INTS8: variants seen among roughly 807,000 people sequenced by gnomAD.
INTS8 encodes protein kaonashi-1.
Under a neutral mutation model 138.9 loss-of-function variants are expected in INTS8, and 47 were observed. The ratio of observed to expected loss-of-function variants is 0.34; its 90% CI spans 0.27 to 0.43. The LOEUF is 0.43. Among genes scored for constraint, INTS8 ranks in the 20% least tolerant of loss-of-function variants. The pLI is 1.00. For synonymous variants in INTS8, 392 were observed against 400.9 expected (o/e 0.98, Z 0.27); for missense variants, 996 against 1,173.0 (o/e 0.85, Z 2.20).
At chr8:94,840,874 T>C (rs898574796) in intron 8 of INTS8, among the ~76,000 whole-genome samples, 1 of 151,480 alleles carries the variant, frequency 6.6e-6, no homozygotes, top group Non-Finnish European at 1.5e-5. Flanking sequence ...TAGTATTTTT[T>C]TAGTTTGTTT....
intron 6 of INTS8, among the ~76,000 whole-genome samples, chr8:94,833,744 T>G (rs574210049): frequency 6.6e-6 from 1 of 152,322 alleles, no homozygotes; most frequent in South Asian, 2.1e-4. Flanking sequence ...AAGGGCAAAT[T>G]AGTGGTAACA....
chr8:94,873,242 A>C, intron 21 of INTS8, 132 bp from the exon 22 acceptor site: 1 of 754,788 alleles, frequency 1.3e-6, no homozygotes, highest in Non-Finnish European at 2.4e-6. Context: ...AATACGAACT[A>C]ACATTTTATT....
At position 94,878,132 on chromosome 8, in the gene INTS8, CGT is replaced by C. The variant is rs573095884; in HGVS notation, c.2871+1646_2871+1647del. On this transcript the variant is annotated intron_variant, in intron 26 of 26. Coordinates refer to ENST00000523731, the MANE Select transcript of INTS8 (RefSeq NM_017864.4). ...AGCCCTGCATAAGTCCAGAAACTTACGTGTTTTATTTTCTTGGGCCACTGAGA... is the reference window on the plus strand; with the variant it reads ...AGCCCTGCATAAGTCCAGAAACTTACGTTTTATTTTCTTGGGCCACTGAGA... 7.0e-3 allele frequency among the ~76,000 whole-genome samples: 1,070 copies of C among 152,230 alleles called. 7 individuals are homozygous for C. Among genetic ancestry groups the C allele is most frequent in the South Asian group, 0.011 (51 of 4,820 alleles).
In INTS8 at chr8:94,852,192, C is replaced by T. The variant is rs776788439; in HGVS notation, c.1641+506C>T. On this transcript the variant is annotated intron_variant, in intron 13 of 26. Coordinates refer to ENST00000523731, the MANE Select transcript of INTS8 (RefSeq NM_017864.4). ...TCCTGACCACCAGTGATCTACCCGC[C>T]TCTGCCTCCCCAAGTGTTGGGATTA... Among the ~76,000 whole-genome samples the T allele has an allele frequency of 1.3e-3, 195 of 152,350 alleles. No individual in the cohort carries two copies. In the Middle Eastern group the frequency reaches 0.017, roughly 13 times the overall value.
intron 2 of INTS8, among the ~76,000 whole-genome samples, chr8:94,825,278 C>G (rs1814448559): frequency 6.6e-6 from 1 of 151,936 alleles, no homozygotes. Context: ...GGTGAAACCT[C>G]GTCTCTAGCC....
chr8:94,853,702 G>T (rs1815636733), intron 13 of INTS8, 103 bp from the exon 14 acceptor site: 7 of 643,614 alleles, frequency 1.1e-5, no homozygotes, highest in Non-Finnish European at 1.9e-5. Flanking sequence ...GACGACCCGT[G>T]AGTTATTTGT....
intron 13 of INTS8, among the ~76,000 whole-genome samples, chr8:94,852,822 A>G (rs1244576585): frequency 3.3e-5 from 5 of 151,738 alleles, no homozygotes; most frequent in Admixed American, 3.3e-4. Flanking sequence ...CTGGTCTCGA[A>G]CTCCTGACCT....
At chr8:94,872,242 T>G (rs574900804) in intron 21 of INTS8, among the ~76,000 whole-genome samples, 115 of 150,604 alleles carry the variant, frequency 7.6e-4, no homozygotes, top group South Asian at 1.5e-3. Context: ...GAATTTTTTT[T>G]TGTGTGTGTG....
chr8:94,849,121 ACT>A (rs746419603), intron 10 of INTS8, among the ~76,000 whole-genome samples: 3 of 151,686 alleles, frequency 2.0e-5, no homozygotes, highest in Non-Finnish European at 2.9e-5. Flanking sequence ...TATTTTTTTA[ACT>A]CTTTTCTGAC....
chr8:94,834,976 G>A (rs1375241064), intron 6 of INTS8, among the ~76,000 whole-genome samples: 2 of 152,216 alleles, frequency 1.3e-5, no homozygotes, highest in Non-Finnish European at 2.9e-5. Flanking sequence ...AGTATCTCAT[G>A]TGAATGGGGA....
chr8:94,827,919 T>C, intron 4 of INTS8, 126 bp downstream of exon 4: 1 of 799,820 alleles, frequency 1.3e-6, no homozygotes, highest in South Asian at 1.5e-5. Flanking sequence ...AAGGCCTGTG[T>C]GAAGGTTTGT....
At chr8:94,858,268 C>T (rs775467530) in intron 15 of INTS8, among the ~76,000 whole-genome samples, 3 of 152,136 alleles carry the variant, frequency 2.0e-5, no homozygotes, top group Non-Finnish European at 4.4e-5. Flanking sequence ...CAAGTGCTAC[C>T]GTCTTGAGTC....
At chr8:94,838,048 T>TC (rs1237713237) in intron 7 of INTS8, among the ~76,000 whole-genome samples, 6 of 150,268 alleles carry the variant, frequency 4.0e-5, no homozygotes, top group African/African-American at 1.5e-4. Context: ...TCTTTTCTTT[T>TC]TTTTTTTTTT....
At chr8:94,866,815 A>G (rs1013957911) in intron 18 of INTS8, 3 of 249,202 alleles carry the variant, frequency 1.2e-5, no homozygotes, top group East Asian at 8.6e-5. Context: ...TACTTATTGG[A>G]CGTAACCTAG....
At chr8:94,832,218 A>G in intron 6 of INTS8, 44 bp downstream of exon 6, 1 of 1,417,890 alleles carries the variant, frequency 7.1e-7, no homozygotes, top group Non-Finnish European at 9.8e-7. Flanking sequence ...TTTTTTGGAA[A>G]ATCTTAATAT....
chr8:94,864,098 C>CA (rs1227042546), intron 16 of INTS8, among the ~76,000 whole-genome samples: 8 of 151,604 alleles, frequency 5.3e-5, no homozygotes, highest in Admixed American at 3.3e-4. Context: ...TATGGTTTAA[C>CA]AAAAAAATTT....
chr8:94,832,182 T>C lies in INTS8; in HGVS notation c.753+8T>C, dbSNP rs1814743838. ...GAAGAAATGCAGTGCCAGGTATTCA[T>C]TTGATACTTAATTTACGTAGGGCAA... On this transcript the variant is annotated splice_region_variant and intron_variant, in intron 6 of 26. Transcript: ENST00000523731. 10 of 1,604,026 alleles carry C rather than the reference T, an allele frequency of 6.2e-6. No homozygotes were observed. Among genetic ancestry groups the C allele is most frequent in the African/African-American group, 1.3e-5 (1 of 74,448 alleles).
In INTS8 at chr8:94,827,722, G is replaced by T; in HGVS notation, c.447G>T (p.Trp149Cys). ...TAMAVLLYNR[W>C]AIRTIVQSSF... is the part of the protein sequence containing the mutation. ...TTTCTTTTTCCTGTCTTTTCTTCAG[G>T]GCAATTAGGACAATTGTTCAAAGTA... is the stretch of plus-strand genomic sequence containing the variant. Residue 149 changes from tryptophan (W) to cysteine (C), a missense_variant and splice_region_variant, in exon 4 of 27, where the codon TGG (tryptophan) becomes TGT (cysteine). By Grantham distance (215) the Trp-to-Cys change is radical. Transcript: ENST00000523731. The T allele has an allele frequency of 6.2e-7, 1 of 1,613,244 alleles. No individual in the cohort carries two copies. Among genetic ancestry groups the T allele is most frequent in the Non-Finnish European group, 8.5e-7 (1 of 1,179,388 alleles).
intron 26 of INTS8, 193 bp from the exon 27 acceptor site, chr8:94,879,925 A>G (rs1371299451): frequency 2.4e-6 from 1 of 413,138 alleles, no homozygotes; most frequent in East Asian, 4.1e-5. Context: ...TCAGCAGTCC[A>G]TCTTTCCTTG....
Sources: allele counts gnomAD v4.1 joint callset (sites outside exome capture counted in the v4.1 genomes callset), GRCh38; gene constraint gnomAD v4.1.1; transcripts MANE v1.5; gene names NCBI Gene and HGNC (gene_info 2026-07-23, HGNC 2026-07-21).